SLIT3: variants seen among roughly 807,000 people sequenced by gnomAD.
SLIT3 encodes the protein slit homolog 3 protein.
A neutral mutation model predicts 184.0 loss-of-function variants in SLIT3; 68 were observed. The ratio of observed to expected loss-of-function variants is 0.37; its 90% confidence interval spans 0.30 to 0.45. The LOEUF is 0.45. SLIT3 is among the 20% of genes least tolerant of loss of function. The pLI is 1.00. For synonymous variants in SLIT3, 831 were observed against 828.6 expected (o/e 1.00, Z -0.05); for missense variants, 1,707 against 2,026.0 (o/e 0.84, Z 3.02).
chr5:169,185,842 A>G (rs1763316125), intron 4 of SLIT3, among the ~76,000 whole-genome samples: 2 of 152,200 alleles, frequency 1.3e-5, no homozygotes, highest in Non-Finnish European at 2.9e-5. Context: ...AAAGTACAGT[A>G]CAGGAATCAC....
At chr5:168,851,334 A>G (rs1306864547) in intron 5 of SLIT3, among the ~76,000 whole-genome samples, 1 of 151,916 alleles carries the variant, frequency 6.6e-6, no homozygotes, top group Non-Finnish European at 1.5e-5. Context: ...AAAAAAAAAA[A>G]AAAAAGATAG....
chr5:169,122,276 G>C (rs1488022185), intron 4 of SLIT3, among the ~76,000 whole-genome samples: 2 of 152,126 alleles, frequency 1.3e-5, no homozygotes, highest in African/African-American at 4.8e-5. Context: ...CTCTCGAGAG[G>C]AGAACCAAGA....
chr5:169,104,143 C>T (rs993347667), intron 4 of SLIT3, among the ~76,000 whole-genome samples: 2 of 152,192 alleles, frequency 1.3e-5, no homozygotes, highest in Admixed American at 1.3e-4. Flanking sequence ...TGGGCTCCAC[C>T]CCTCAAAGCT....
At chr5:168,912,709 T>A (rs1761290202) in intron 4 of SLIT3, among the ~76,000 whole-genome samples, 1 of 152,194 alleles carries the variant, frequency 6.6e-6, no homozygotes, top group Non-Finnish European at 1.5e-5. Flanking sequence ...TATGATGTAT[T>A]TTATGCATTT....
chr5:168,998,507 C>A (rs902367571), intron 4 of SLIT3, among the ~76,000 whole-genome samples: 3 of 152,038 alleles, frequency 2.0e-5, no homozygotes, highest in Non-Finnish European at 2.9e-5. Context: ...AGTTCGAGAC[C>A]AGCCTGGCCA....
chr5:169,057,413 C>T (rs930924879), intron 4 of SLIT3, among the ~76,000 whole-genome samples: 1 of 152,154 alleles, frequency 6.6e-6, no homozygotes, highest in Non-Finnish European at 1.5e-5. Context: ...GGCCTGGCAC[C>T]AGCATGGGGC....
At chr5:168,719,052 A>G (rs894400338) in intron 23 of SLIT3, among the ~76,000 whole-genome samples, 61 of 151,942 alleles carry the variant, frequency 4.0e-4, no homozygotes, top group African/African-American at 1.4e-3. Flanking sequence ...ATCTTTATTG[A>G]TTTATTATTT....
At chr5:168,894,304 T>G (rs1051582088) in intron 4 of SLIT3, among the ~76,000 whole-genome samples, 3 of 152,216 alleles carry the variant, frequency 2.0e-5, no homozygotes, top group Non-Finnish European at 4.4e-5. Context: ...ATTAGCTTCG[T>G]GTAGGCAGGA....
intron 3 of SLIT3, among the ~76,000 whole-genome samples, chr5:169,205,269 C>T (rs1009097519): frequency 6.6e-6 from 1 of 152,198 alleles, no homozygotes; most frequent in African/African-American, 2.4e-5. Context: ...TATGCAACTC[C>T]ATGTAAACCA....
intron 4 of SLIT3, among the ~76,000 whole-genome samples, chr5:169,072,628 T>G (rs1581376303): frequency 6.6e-6 from 1 of 152,316 alleles, no homozygotes; most frequent in African/African-American, 2.4e-5. Context: ...CATTTTGACA[T>G]AGCCACCCAT....
chr5:169,018,144 C>T (rs919873518), intron 4 of SLIT3, among the ~76,000 whole-genome samples: 1 of 152,230 alleles, frequency 6.6e-6, no homozygotes, highest in African/African-American at 2.4e-5. Flanking sequence ...TACAAGTTCT[C>T]AGGCCCCACC....
chr5:168,993,849 G>A (rs1252207316), intron 4 of SLIT3, among the ~76,000 whole-genome samples: 2 of 152,214 alleles, frequency 1.3e-5, no homozygotes, highest in Non-Finnish European at 2.9e-5. Flanking sequence ...CCCATTCTGG[G>A]GAAAGCCCTT....
At chr5:168,897,647 T>TGCGCGCACACACACACACAC (rs3223457) in intron 4 of SLIT3, among the ~76,000 whole-genome samples, 21 of 141,522 alleles carry the variant, frequency 1.5e-4, no homozygotes, top group Middle Eastern at 3.5e-3. Flanking sequence ...CAGGTGCACG[T>TGCGCGCACACACACACACAC]ACACACACAC....
intron 4 of SLIT3, among the ~76,000 whole-genome samples, chr5:168,986,671 C>T (rs182116199): frequency 2.0e-5 from 3 of 152,248 alleles, no homozygotes; most frequent in Admixed American, 2.0e-4. Context: ...GCAGTTTTAG[C>T]ACAGGCTTGG....
intron 26 of SLIT3, among the ~76,000 whole-genome samples, chr5:168,704,681 G>C (rs1350796542): frequency 6.6e-6 from 1 of 152,202 alleles, no homozygotes; most frequent in Non-Finnish European, 1.5e-5. Context: ...TGGCATTATA[G>C]TAGATTAAGA....
intron 5 of SLIT3, among the ~76,000 whole-genome samples, chr5:168,875,104 C>A (rs139658858): frequency 8.4e-6 from 1 of 119,102 alleles, no homozygotes; most frequent in African/African-American, 3.3e-5. Context: ...AGGGAGGAAG[C>A]GGGGGAGAAA....
Position 169,214,964 on chromosome 5 carries a change from G to A in SLIT3, c.342-21414C>T, listed in dbSNP as rs114097516. Among the ~76,000 whole-genome samples the A allele has an allele frequency of 4.7e-3, 720 of 152,106 alleles. 2 individuals carry two copies. Among genetic ancestry groups the A allele is most frequent in the Non-Finnish European group, 7.1e-3 (483 of 67,982 alleles). The stretch of plus-strand genomic sequence containing the variant: ...TGGTCCAGGCTGCCATCTTCCCTCC[G>A]CATTACTGAAAGGGGCACCTCCTTG... On this transcript the variant is annotated intron_variant, in intron 3 of 35. Transcript: ENST00000519560.
intron 8 of SLIT3, among the ~76,000 whole-genome samples, chr5:168,812,743 A>G (rs1017283865): frequency 1.3e-5 from 2 of 152,254 alleles, no homozygotes; most frequent in African/African-American, 2.4e-5. Flanking sequence ...CAGAGGCATG[A>G]TAATTTTGGG....
chr5:169,179,331 A>G (rs1763080117), intron 4 of SLIT3, among the ~76,000 whole-genome samples: 1 of 136,028 alleles, frequency 7.4e-6, no homozygotes, highest in Non-Finnish European at 1.6e-5. Context: ...GAGTCTCCAC[A>G]GGTTATTTTT....
Sources: gnomAD v4.1 joint callset for allele counts (sites outside exome capture counted in the v4.1 genomes callset) on GRCh38, gnomAD v4.1.1 for gene constraint, MANE v1.5 for transcripts, NCBI Gene and HGNC (gene_info 2026-07-23, HGNC 2026-07-21) for gene names.